GSDMC: variants seen among roughly 807,000 people sequenced by gnomAD.
The protein encoded by GSDMC is gasdermin-C.
A neutral mutation model predicts 58.0 loss-of-function variants in GSDMC; 59 were observed. That is an observed-to-expected ratio of 1.02 (90% CI 0.82 to 1.26). The LOEUF is 1.26. GSDMC is among the 50% of genes most tolerant of loss of function. The pLI, the probability that GSDMC is intolerant of heterozygous loss-of-function variation, is 0.00. For missense variants in GSDMC, 659 were observed against 598.5 expected (o/e 1.10, Z -1.06); for synonymous variants, 241 against 220.2 (o/e 1.09, Z -0.83).
intron 6 of GSDMC, among the ~76,000 whole-genome samples, chr8:129,758,702 A>G (rs1410391104): frequency 1.3e-5 from 2 of 152,214 alleles, no homozygotes; most frequent in African/African-American, 4.8e-5. Flanking sequence ...ACATTGATGA[A>G]AGAAATTGAA....
At chr8:129,765,576 G>T in intron 4 of GSDMC, 52 bp downstream of exon 4, 3 of 1,350,998 alleles carry the variant, frequency 2.2e-6, no homozygotes, top group Non-Finnish European at 3.2e-6. Flanking sequence ...TTGGCTGCCA[G>T]GACTGGCTGT....
chr8:129,743,998 A>C (rs539950937), downstream of GSDMC, among the ~76,000 whole-genome samples: 2 of 152,146 alleles, frequency 1.3e-5, no homozygotes, highest in African/African-American at 4.8e-5. Context: ...TGCACAAGTT[A>C]AGTATTTAGA....
the GSDMC span, among the ~76,000 whole-genome samples, chr8:129,708,113 C>A: frequency 6.6e-6 from 1 of 152,182 alleles, no homozygotes; most frequent in African/African-American, 2.4e-5. Flanking sequence ...TCCCGTTGGA[C>A]TCCACTTACA....
At chr8:129,783,824 T>C (rs1032335181) in intron 1 of GSDMC, among the ~76,000 whole-genome samples, 9 of 152,108 alleles carry the variant, frequency 5.9e-5, no homozygotes, top group African/African-American at 2.2e-4. Context: ...AGGAATCATA[T>C]TATCTGACAT....
chr8:129,750,238 G>T, intron 11 of GSDMC, 119 bp from the exon 12 acceptor site: 1 of 1,036,928 alleles, frequency 9.6e-7, no homozygotes, highest in Non-Finnish European at 1.4e-6. Flanking sequence ...CCTCCCCCAG[G>T]GGATTCCAAG....
At chr8:129,742,988 C>T in the GSDMC span, among the ~76,000 whole-genome samples, 1 of 151,964 alleles carries the variant, frequency 6.6e-6, no homozygotes, top group Non-Finnish European at 1.5e-5. Flanking sequence ...TAATTGTAAC[C>T]TTTCTTTCTC....
the GSDMC span, among the ~76,000 whole-genome samples, chr8:129,721,603 T>C: frequency 2.9e-5 from 2 of 67,808 alleles, no homozygotes; most frequent in Non-Finnish European, 4.6e-5. Flanking sequence ...CTCATAAAGA[T>C]AATAATTTGT....
rs1303435675 is a variant in GSDMC at position 129,777,454 on chromosome 8, G to T, written c.134C>A (p.Ser45Tyr). ...AGATTGTTCCCAAAATGATGAACGA[G>T]AATCCTTCTTCTTTCGTAATATAAC... ...QFVILRKKKD[S>Y]RSSFWEQSDY... is the part of the protein sequence containing the mutation. The change falls in exon 2 of 14, where the codon TCT (serine) becomes TAT (tyrosine). Residue 45 changes from serine (S) to tyrosine (Y), a missense_variant. Coordinates refer to ENST00000276708, the MANE Select transcript of GSDMC (RefSeq NM_031415.3). The T allele has an allele frequency of 1.2e-6, 2 of 1,613,266 alleles. No homozygotes were observed. The highest frequency in any genetic ancestry group is 1.7e-6 in the Non-Finnish European group (2 of 1,179,192).
intron 6 of GSDMC, among the ~76,000 whole-genome samples, chr8:129,753,388 C>A (rs1192458682): frequency 6.6e-6 from 1 of 152,194 alleles, no homozygotes; most frequent in Non-Finnish European, 1.5e-5. Flanking sequence ...TCTCTAGACA[C>A]CCCTGGGTGA....
chr8:129,740,429 T>G, the GSDMC span, among the ~76,000 whole-genome samples: 1 of 152,216 alleles, frequency 6.6e-6, no homozygotes. Flanking sequence ...TTTATACAGG[T>G]GTACCATTTT....
chr8:129,752,938 C>G, intron 6 of GSDMC, 118 bp from the exon 7 acceptor site: 12 of 1,496,612 alleles, frequency 8.0e-6, no homozygotes, highest in Non-Finnish European at 1.1e-5. Context: ...ACGAAGGGAG[C>G]ATTTGAACAA....
the GSDMC span, among the ~76,000 whole-genome samples, chr8:129,732,169 G>A: frequency 6.6e-6 from 1 of 152,114 alleles, no homozygotes; most frequent in African/African-American, 2.4e-5. Context: ...CATCCTGCTA[G>A]CTTGCTTTCT....
chr8:129,768,915 C>T (rs1302532017), intron 3 of GSDMC, among the ~76,000 whole-genome samples: 1 of 151,992 alleles, frequency 6.6e-6, no homozygotes, highest in Non-Finnish European at 1.5e-5. Context: ...CCACATCTCT[C>T]CAAAAAATAA....
intron 1 of GSDMC, 95 bp from the exon 2 acceptor site, chr8:129,777,686 A>G (rs2130560032): frequency 6.9e-6 from 5 of 722,024 alleles, no homozygotes; most frequent in East Asian, 4.9e-5. Flanking sequence ...GAAAAGATCT[A>G]CATATGAGAT....
At chr8:129,749,947 C>A (rs771298041) in intron 12 of GSDMC, 43 bp downstream of exon 12, 1 of 1,532,918 alleles carries the variant, frequency 6.5e-7, no homozygotes, top group Non-Finnish European at 8.8e-7. Flanking sequence ...GTCCTGGGGA[C>A]CAATCTTGTG....
chr8:129,739,420 T>G, the GSDMC span, among the ~76,000 whole-genome samples: 1 of 152,236 alleles, frequency 6.6e-6, no homozygotes, highest in Non-Finnish European at 1.5e-5. Flanking sequence ...TCTCTCCTTT[T>G]GAGAAATGTC....
chr8:129,719,644 A>T, the GSDMC span, among the ~76,000 whole-genome samples: 1 of 152,314 alleles, frequency 6.6e-6, no homozygotes, highest in South Asian at 2.1e-4. Flanking sequence ...AACTCAATAC[A>T]TTTAAAAACG....
the GSDMC span, among the ~76,000 whole-genome samples, chr8:129,709,022 C>G: frequency 6.6e-6 from 1 of 152,190 alleles, no homozygotes; most frequent in African/African-American, 2.4e-5. Context: ...AGGGAGTATT[C>G]TCTTTGTTTT....
chr8:129,769,303 G>A (rs746999493), intron 3 of GSDMC, among the ~76,000 whole-genome samples: 1 of 152,074 alleles, frequency 6.6e-6, no homozygotes, highest in Non-Finnish European at 1.5e-5. Flanking sequence ...TTACATACAG[G>A]GGAGTATCTA....
Sources: allele counts gnomAD v4.1 joint callset (sites outside exome capture counted in the v4.1 genomes callset), GRCh38; gene constraint gnomAD v4.1.1; transcripts MANE v1.5; gene names NCBI Gene and HGNC (gene_info 2026-07-23, HGNC 2026-07-21).